Variants in SLC48A1 observed in about 807,000 individuals in gnomAD.
The protein encoded by SLC48A1 is heme transporter HRG1.
SLC48A1 carries 6 observed loss-of-function variants against 14.8 expected under a neutral mutation model. The observed-to-expected ratio is 0.41, with a 90% CI of 0.22 to 0.80. The LOEUF (loss-of-function observed/expected upper bound fraction) is 0.80. Among genes scored for constraint, SLC48A1 ranks in the 30% least tolerant of loss-of-function variants. SLC48A1 has a pLI of 0.34. For missense variants in SLC48A1, 165 were observed against 204.8 expected (o/e 0.81, Z 1.19); for synonymous variants, 89 against 90.0 (o/e 0.99, Z 0.06).
chr12:47,765,937 C>T (rs1241250857), intron 2 of SLC48A1, among the ~76,000 whole-genome samples: 1 of 152,166 alleles, frequency 6.6e-6, no homozygotes, highest in Non-Finnish European at 1.5e-5. Context: ...TTCCCAAGAT[C>T]TGTCTTTCCC....
chr12:47,773,164 G>A (rs1592604876), upstream of SLC48A1: 15 of 982,910 alleles, frequency 1.5e-5, no homozygotes, highest in South Asian at 5.0e-4. Context: ...CGCTGTGCGG[G>A]CGGCGCTGGG....
Position 47,780,111 on chromosome 12 carries a change from G to A in SLC48A1, c.305-34G>A, listed in dbSNP as rs562721323. 5.9e-6 allele frequency: 9 copies of A among 1,514,404 alleles called. No individual in the cohort carries two copies. In the African/African-American group the frequency reaches 1.2e-4, roughly 21 times the overall value. 93.8% of individuals were successfully genotyped at this position (1,514,404 alleles called of 1,614,324 possible). A position where few individuals can be genotyped will look rare whatever the true frequency, so the allele number is the denominator to read the frequency against. ...GGTGCAGAGGCCGAGGGCAGGGCCT[G>A]CCAAAGTCACTGTCGGTACTTCTCT... On this transcript the variant is annotated intron_variant, in intron 2 of 2. Transcript: ENST00000442218.
At chr12:47,767,198 G>C (rs1415850324), upstream of SLC48A1, among the ~76,000 whole-genome samples, 1 of 152,020 alleles carries the variant, frequency 6.6e-6, no homozygotes, top group Non-Finnish European at 1.5e-5. Flanking sequence ...CTGGGGTGGG[G>C]GGGTGGAGGG....
chr12:47,761,811 T>A (rs1353322336), intron 2 of SLC48A1, among the ~76,000 whole-genome samples: 1 of 152,222 alleles, frequency 6.6e-6, no homozygotes, highest in East Asian at 1.9e-4. Context: ...ACTTTGTATA[T>A]ATTCACTGAC....
upstream of SLC48A1, chr12:47,756,591 G>C (rs1423046690): frequency 6.6e-6 from 1 of 152,180 alleles, no homozygotes; most frequent in East Asian, 1.9e-4. Context: ...TTTCAACTCA[G>C]CCTCACTGTA....
intron 1 of SLC48A1, among the ~76,000 whole-genome samples, chr12:47,773,723 G>C (rs368877321): frequency 6.6e-6 from 1 of 152,178 alleles, no homozygotes; most frequent in Admixed American, 6.5e-5. Flanking sequence ...TATCTGTCAC[G>C]GCACACTGCC....
At position 47,780,830 on chromosome 12, in the gene SLC48A1, G is replaced by T. The variant is rs1031903578; in HGVS notation, c.*549G>T. ...GATTCACCCGCCTCAGCCTTCCAAA[G>T]TGCTGGGATTATAGGTGTGAGCCAC... On this transcript the variant is annotated 3_prime_UTR_variant, in exon 3 of 3. Coordinates refer to ENST00000442218, the MANE Select transcript of SLC48A1 (RefSeq NM_017842.3). 5.9e-6 allele frequency: 3 copies of T among 507,932 alleles called. No individual in the cohort carries two copies. The highest frequency in any genetic ancestry group is 8.0e-6 in the Non-Finnish European group (2 of 251,508). The allele number at this position is 507,932 out of a possible 1,614,324, so 31.5% of individuals were successfully genotyped here. A position where few individuals can be genotyped will look rare whatever the true frequency, so the allele number is the denominator to read the frequency against.
upstream of SLC48A1, among the ~76,000 whole-genome samples, chr12:47,767,197 G>C (rs117291903): frequency 2.0e-5 from 3 of 152,108 alleles, no homozygotes; most frequent in South Asian, 6.2e-4. Context: ...GCTGGGGTGG[G>C]GGGGTGGAGG....
Position 47,758,916 on chromosome 12 carries a change from C to G in SLC48A1, c.-373+256C>G, listed in dbSNP as rs548238524. 938 of 1,070,184 alleles carry G rather than the reference C, an allele frequency of 8.8e-4. 6 individuals are homozygous for G. In the African/African-American group the frequency reaches 0.014, roughly 17 times the overall value. 66.3% of individuals were successfully genotyped at this position (1,070,184 alleles called of 1,614,324 possible). ...CGGGCGGGAGCTGTCACACCCCCTG[C>G]GCTGCCCGCCCCCTTCCCCTCCCCA... On this transcript the variant is annotated intron_variant, in intron 1 of 4. Coordinates refer to the SLC48A1 transcript ENST00000547002.
chr12:47,778,085 C>T (rs1250262769), intron 1 of SLC48A1, among the ~76,000 whole-genome samples: 1 of 152,234 alleles, frequency 6.6e-6, no homozygotes, highest in Non-Finnish European at 1.5e-5. Context: ...CCGGGATCCA[C>T]CGCCCTGCCC....
At chr12:47,754,239 A>G (rs1425883885), upstream of SLC48A1, among the ~76,000 whole-genome samples, 1 of 152,230 alleles carries the variant, frequency 6.6e-6, no homozygotes, top group African/African-American at 2.4e-5. Context: ...GCCTATTCCC[A>G]TGTTTCCTCA....
chr12:47,764,467 CAG>C (rs2136847576), intron 2 of SLC48A1, among the ~76,000 whole-genome samples: 1 of 152,340 alleles, frequency 6.6e-6, no homozygotes, highest in South Asian at 2.1e-4. Flanking sequence ...CCTTTTGTTT[CAG>C]AGTCTTGGTA....
rs750375213 is a variant in SLC48A1 at position 47,780,297 on chromosome 12, C to T, written c.*16C>T. 3 of 1,614,080 alleles carry T rather than the reference C, an allele frequency of 1.9e-6. No homozygotes were observed. Among genetic ancestry groups the T allele is most frequent in the Non-Finnish European group, 2.5e-6 (3 of 1,180,018 alleles). ...CGATTTCTGACCCAGGGGGTGAGGT[C>T]TCTGCACCCTGGGGGGGCCTTAGGA... On this transcript the variant is annotated 3_prime_UTR_variant, in exon 3 of 3. Transcript: ENST00000442218.
upstream of SLC48A1, chr12:47,757,914 C>G: frequency 6.4e-7 from 1 of 1,557,164 alleles, no homozygotes; most frequent in Admixed American, 1.9e-5. Context: ...CCAGCAGCAG[C>G]TGGTAGGAGC....
Position 47,780,290 on chromosome 12 carries a change from G to A in SLC48A1, c.*9G>A. 6.2e-7 allele frequency: 1 copy of A among 1,614,176 alleles called. No homozygotes were observed. Among genetic ancestry groups the A allele is most frequent in the Non-Finnish European group, 8.5e-7 (1 of 1,179,978 alleles). ...TCCTCAGCGATTTCTGACCCAGGGG[G>A]TGAGGTCTCTGCACCCTGGGGGGGC... is the stretch of plus-strand genomic sequence containing the variant. On this transcript the variant is annotated 3_prime_UTR_variant, in exon 3 of 3. Transcript: ENST00000442218.
upstream of SLC48A1, among the ~76,000 whole-genome samples, chr12:47,767,702 A>G (rs549707056): frequency 6.6e-6 from 1 of 152,356 alleles, no homozygotes; most frequent in Admixed American, 6.5e-5. Flanking sequence ...TGAGGAGGTA[A>G]CATTTGAGCT....
chr12:47,760,201 G>A, intron 1 of SLC48A1: 1 of 985,422 alleles, frequency 1.0e-6, no homozygotes. Context: ...TCTGTATTTG[G>A]AACAAACACC....
intron 1 of SLC48A1, chr12:47,758,914 T>A (rs907442051): frequency 2.8e-6 from 3 of 1,064,146 alleles, no homozygotes; most frequent in East Asian, 6.5e-5. Flanking sequence ...TCACACCCCC[T>A]GCGCTGCCCG....
intron 1 of SLC48A1, among the ~76,000 whole-genome samples, chr12:47,776,582 C>T (rs1271117667): frequency 6.6e-6 from 1 of 152,172 alleles, no homozygotes; most frequent in Non-Finnish European, 1.5e-5. Context: ...AGGCCTGCCT[C>T]CACACTTGAT....
Sources: allele counts gnomAD v4.1 joint callset (sites outside exome capture counted in the v4.1 genomes callset), GRCh38; gene constraint gnomAD v4.1.1; transcripts MANE v1.5; gene names NCBI Gene and HGNC (gene_info 2026-07-23, HGNC 2026-07-21).